The following ASIC2 variants were observed in gnomAD, a reference collection of about 807,000 sequenced individuals.
ASIC2 encodes the protein acid sensing ion channel subunit 2, also known as acid-sensing ion channel 2.
A neutral mutation model predicts 57.3 loss-of-function variants in ASIC2; 25 were observed. The ratio of observed to expected loss-of-function variants is 0.44; its 90% CI spans 0.32 to 0.61. The LOEUF is 0.61. Ranked by LOEUF, ASIC2 falls within the 20% of genes least tolerant of loss-of-function variation. ASIC2 has a pLI of 0.06. For synonymous variants in ASIC2, 319 were observed against 307.5 expected (o/e 1.04, Z -0.39); for missense variants, 641 against 738.1 (o/e 0.87, Z 1.52).
intron 2 of ASIC2, among the ~76,000 whole-genome samples, chr17:33,091,594 G>A (rs1488850955): frequency 6.6e-6 from 1 of 152,322 alleles, no homozygotes; most frequent in South Asian, 2.1e-4. Flanking sequence ...AAACATACAG[G>A]CCTGGTGTGC....
At chr17:33,453,284 G>GAAAAAAA (rs3057620) in intron 1 of ASIC2, among the ~76,000 whole-genome samples, 1 of 129,644 alleles carries the variant, frequency 7.7e-6, no homozygotes, top group Non-Finnish European at 1.6e-5. Context: ...CAAAGCAGGT[G>GAAAAAAA]AAAAAAAAAA....
chr17:33,841,808 G>C (rs935903771), intron 1 of ASIC2, among the ~76,000 whole-genome samples: 3 of 152,124 alleles, frequency 2.0e-5, no homozygotes, highest in African/African-American at 7.2e-5. Flanking sequence ...AATAGGGAAG[G>C]CACCAGGTTC....
chr17:33,425,544 G>T (rs1911189239), intron 1 of ASIC2, among the ~76,000 whole-genome samples: 1 of 152,200 alleles, frequency 6.6e-6, no homozygotes, highest in Non-Finnish European at 1.5e-5. Context: ...GGGTTCAGAG[G>T]ATGGAGGGAT....
chr17:33,858,724 T>C lies in ASIC2; in HGVS notation c.555+297254A>G, dbSNP rs1402996524. On this transcript the variant is annotated intron_variant, in intron 1 of 9. Coordinates refer to the ASIC2 transcript ENST00000359872. Reference sequence around the variant, plus strand: ...CTGCACCTGAGACCTTTGGGTGTCCTCTGGGAATCTCCAGGGACAACCCAT... The same window carrying C: ...CTGCACCTGAGACCTTTGGGTGTCCCCTGGGAATCTCCAGGGACAACCCAT... Among the ~76,000 whole-genome samples the C allele has an allele frequency of 1.3e-5, 2 of 152,102 alleles. 1 individual carries two copies. The highest frequency in any genetic ancestry group is 4.8e-5 in the African/African-American group (2 of 41,460).
At chr17:34,132,680 CT>C (rs796417914) in intron 1 of ASIC2, among the ~76,000 whole-genome samples, 4 of 152,200 alleles carry the variant, frequency 2.6e-5, no homozygotes, top group South Asian at 2.1e-4. Context: ...GAAAAGTTCT[CT>C]AAGTCCCCAC....
intron 1 of ASIC2, among the ~76,000 whole-genome samples, chr17:33,679,408 TC>T (rs1391041909): frequency 3.3e-5 from 5 of 152,200 alleles, no homozygotes; most frequent in Admixed American, 6.5e-5. Context: ...GACTTGTGCT[TC>T]CATTATCTCA....
At chr17:33,552,015 G>C (rs557507180) in intron 1 of ASIC2, among the ~76,000 whole-genome samples, 1 of 152,128 alleles carries the variant, frequency 6.6e-6, no homozygotes, top group African/African-American at 2.4e-5. Flanking sequence ...TGAGAACCAG[G>C]CTCTTCAGAC....
chr17:33,334,167 G>C (rs569866905), intron 1 of ASIC2, among the ~76,000 whole-genome samples: 4 of 152,304 alleles, frequency 2.6e-5, no homozygotes, highest in Admixed American at 2.6e-4. Context: ...GACTTCCAGA[G>C]TCTACATGTT....
intron 1 of ASIC2, among the ~76,000 whole-genome samples, chr17:34,019,065 G>A (rs1388955953): frequency 3.3e-5 from 5 of 151,970 alleles, no homozygotes; most frequent in East Asian, 3.9e-4. Flanking sequence ...CCGCCACCAC[G>A]CCTGGCTAAT....
At chr17:33,232,257 T>G (rs1908119722) in intron 1 of ASIC2, among the ~76,000 whole-genome samples, 1 of 152,190 alleles carries the variant, frequency 6.6e-6, no homozygotes, top group Non-Finnish European at 1.5e-5. Flanking sequence ...GGAGGCCCTC[T>G]GCAAGCCAGG....
chr17:34,038,237 C>T lies in ASIC2; in HGVS notation c.555+117741G>A, dbSNP rs921835345. On this transcript the variant is annotated intron_variant, in intron 1 of 9. Coordinates refer to the ASIC2 transcript ENST00000359872. ...ATTCACAATCTGCATGATAATGGAC[C>T]GGGCCTCTTTCTCTGACATTAATTT... 1.7e-5 allele frequency: 28 copies of T among 1,611,066 alleles called. No homozygotes were observed. The South Asian group carries it at 2.4e-4, about 14-fold the overall frequency.
At chr17:33,878,958 T>C (rs1434254406) in intron 1 of ASIC2, among the ~76,000 whole-genome samples, 1 of 152,186 alleles carries the variant, frequency 6.6e-6, no homozygotes, top group African/African-American at 2.4e-5. Flanking sequence ...ATATTCAACA[T>C]TCTTAAAGAA....
chr17:34,023,378 AACAC>A lies in ASIC2; in HGVS notation c.555+132596_555+132599del, dbSNP rs59456457. On this transcript the variant is annotated intron_variant, in intron 1 of 9. Transcript: ENST00000359872. ...TTTCTCTCTCTCTCTCTCTGTCACAAACACACACACACACACACACACACACACT... is the reference window on the plus strand; with the variant it reads ...TTTCTCTCTCTCTCTCTCTGTCACAAACACACACACACACACACACACACT... Among the ~76,000 whole-genome samples, 411 of 147,586 alleles carry A rather than the reference AACAC, an allele frequency of 2.8e-3. 1 individual carries two copies. Among genetic ancestry groups the A allele is most frequent in the South Asian group, 0.017 (78 of 4,584 alleles).
intron 1 of ASIC2, among the ~76,000 whole-genome samples, chr17:33,764,281 C>T (rs1009818614): frequency 2.7e-5 from 4 of 149,636 alleles, no homozygotes; most frequent in Non-Finnish European, 5.9e-5. Flanking sequence ...CGCGCCACTG[C>T]ACTCCAGCCT....
chr17:33,805,856 A>G (rs1227018632), intron 1 of ASIC2, among the ~76,000 whole-genome samples: 5 of 152,324 alleles, frequency 3.3e-5, no homozygotes, highest in Admixed American at 3.3e-4. Context: ...CATCCCTTGG[A>G]GCTAATATTA....
chr17:33,594,580 G>C (rs987294434), intron 1 of ASIC2, among the ~76,000 whole-genome samples: 2 of 152,196 alleles, frequency 1.3e-5, no homozygotes, highest in African/African-American at 4.8e-5. Context: ...TGTAATCCCA[G>C]CACTGTGGGA....
At chr17:33,788,378 G>A (rs1182216358) in intron 1 of ASIC2, among the ~76,000 whole-genome samples, 2 of 152,106 alleles carry the variant, frequency 1.3e-5, no homozygotes, top group Non-Finnish European at 2.9e-5. Flanking sequence ...CGACAGAATG[G>A]TGATTATTAA....
At chr17:33,088,300 G>T in intron 3 of ASIC2, among the ~76,000 whole-genome samples, 1 of 152,162 alleles carries the variant, frequency 6.6e-6, no homozygotes, top group East Asian at 1.9e-4. Context: ...CGCTTCAGAC[G>T]TGAGGCTGTG....
At chr17:34,114,981 A>T (rs1911385092) in intron 1 of ASIC2, among the ~76,000 whole-genome samples, 1 of 152,174 alleles carries the variant, frequency 6.6e-6, no homozygotes, top group South Asian at 2.1e-4. Flanking sequence ...TCGGGTACCT[A>T]GAGATTTCAA....
Sources: allele counts gnomAD v4.1 joint callset (sites outside exome capture counted in the v4.1 genomes callset), GRCh38; gene constraint gnomAD v4.1.1; transcripts MANE v1.5; gene names NCBI Gene and HGNC (gene_info 2026-07-23, HGNC 2026-07-21).